Variants in GDAP1 observed in about 807,000 individuals in gnomAD.
GDAP1 encodes ganglioside-induced differentiation-associated protein 1.
A neutral mutation model predicts 40.1 loss-of-function variants in GDAP1; 34 were observed. That is an observed-to-expected ratio of 0.85 (90% confidence interval 0.64 to 1.13). The LOEUF (loss-of-function observed/expected upper bound fraction) is 1.13. Ranked by LOEUF, GDAP1 falls within the 50% of genes most tolerant of loss-of-function variation. The pLI, the probability that GDAP1 is intolerant of heterozygous loss-of-function variation, is 0.00. For synonymous variants in GDAP1, 170 were observed against 157.4 expected, an observed-to-expected ratio of 1.08 and a Z score of -0.60; for missense variants, 374 against 433.7, an observed-to-expected ratio of 0.86 and a Z score of 1.22.
At chr8:74,471,456 T>A (rs34598685) in intron 2 of GDAP1, among the ~76,000 whole-genome samples, 88,195 of 146,552 alleles carry the variant, frequency 0.6, 26,510 homozygotes, top group African/African-American at 0.74. Context: ...CTTTTTTTTT[T>A]AAAAAAAATA....
chr8:74,448,799 GT>G (rs1806263064), intron 2 of GDAP1, among the ~76,000 whole-genome samples: 1 of 151,954 alleles, frequency 6.6e-6, no homozygotes, highest in South Asian at 2.1e-4. Context: ...GATTGTAGGA[GT>G]TTTTTGGTCA....
chr8:74,376,288 C>A (rs143262039), intron 2 of GDAP1, among the ~76,000 whole-genome samples: 2 of 151,120 alleles, frequency 1.3e-5, no homozygotes, highest in Non-Finnish European at 2.9e-5. Context: ...TGTGAAAATG[C>A]GAAGGACATA....
At chr8:74,355,530 A>G (rs1486058326) in intron 2 of GDAP1, among the ~76,000 whole-genome samples, 2 of 152,210 alleles carry the variant, frequency 1.3e-5, no homozygotes, top group Non-Finnish European at 2.9e-5. Context: ...TACAGCAAGC[A>G]ATTGATTAAG....
chr8:74,398,071 C>T (rs1175028771), intron 2 of GDAP1, among the ~76,000 whole-genome samples: 3 of 151,516 alleles, frequency 2.0e-5, no homozygotes, highest in Admixed American at 6.6e-5. Context: ...AGGTCCTTCA[C>T]GTCCCTTGTA....
chr8:74,463,050 A>T (rs1326053865), intron 2 of GDAP1, among the ~76,000 whole-genome samples: 1 of 128,378 alleles, frequency 7.8e-6, no homozygotes, highest in Non-Finnish European at 1.6e-5. Context: ...ATTGCAAGTG[A>T]TATGTAATTA....
At chr8:74,483,899 A>G (rs1806743970) in intron 2 of GDAP1, among the ~76,000 whole-genome samples, 1 of 152,188 alleles carries the variant, frequency 6.6e-6, no homozygotes, top group South Asian at 2.1e-4. Flanking sequence ...ATAGTTGGCC[A>G]AAGACTTCTT....
chr8:74,389,628 T>G (rs1810077852), intron 2 of GDAP1, among the ~76,000 whole-genome samples: 1 of 152,180 alleles, frequency 6.6e-6, no homozygotes, highest in Non-Finnish European at 1.5e-5. Context: ...CATTTCAACC[T>G]TGGTGAATCT....
Position 74,356,075 on chromosome 8 carries a change from A to T in GDAP1, c.311-4062A>T, listed in dbSNP as rs73689104. Among the ~76,000 whole-genome samples, 1,188 of 152,336 alleles carry T rather than the reference A, an allele frequency of 7.8e-3. 20 individuals are homozygous for T. Among genetic ancestry groups the T allele is most frequent in the African/African-American group, 0.027 (1,142 of 41,596 alleles). The stretch of plus-strand genomic sequence containing the variant: ...CCAATTAATATTTATATTTGTGTTC[A>T]TCAAGAAAAGGCTCTTGTATATAGT... On this transcript the variant is annotated intron_variant, in intron 2 of 5. Transcript: ENST00000220822.
At chr8:74,444,019 T>TATCTATCTATC (rs1222556124) in intron 2 of GDAP1, among the ~76,000 whole-genome samples, 18 of 112,052 alleles carry the variant, frequency 1.6e-4, no homozygotes, top group African/African-American at 5.3e-4. Context: ...TCTATCTATC[T>TATCTATCTATC]ATCTATCATC....
intron 2 of GDAP1, among the ~76,000 whole-genome samples, chr8:74,469,221 GT>G (rs904010236): frequency 5.3e-5 from 8 of 151,808 alleles, no homozygotes; most frequent in Middle Eastern, 3.4e-3. Context: ...TTGGTCTGTA[GT>G]TTTTTTTCCT....
At chr8:74,361,039 C>G (rs999928473) in intron 3 of GDAP1, among the ~76,000 whole-genome samples, 5 of 151,978 alleles carry the variant, frequency 3.3e-5, no homozygotes, top group African/African-American at 1.2e-4. Context: ...TTTGATACCC[C>G]TCCTTTTCCT....
chr8:74,417,437 T>C (rs1805797095), intron 2 of GDAP1, among the ~76,000 whole-genome samples: 1 of 149,354 alleles, frequency 6.7e-6, no homozygotes, highest in African/African-American at 2.6e-5. Context: ...AGAGAAAAAA[T>C]AAAAGTGTCC....
chr8:74,469,860 G>C (rs1806525016), intron 2 of GDAP1, among the ~76,000 whole-genome samples: 1 of 151,740 alleles, frequency 6.6e-6, no homozygotes, highest in Non-Finnish European at 1.5e-5. Flanking sequence ...TGTAATCCCA[G>C]CTACTCGGGA....
intron 2 of GDAP1, among the ~76,000 whole-genome samples, chr8:74,375,016 C>T (rs893808013): frequency 2.6e-5 from 4 of 152,028 alleles, no homozygotes; most frequent in African/African-American, 4.8e-5. Context: ...ACCCTGATAC[C>T]AGTATCTGAG....
At chr8:74,438,770 ATTG>A (rs1806124343) in intron 2 of GDAP1, among the ~76,000 whole-genome samples, 1 of 151,754 alleles carries the variant, frequency 6.6e-6, no homozygotes, top group African/African-American at 2.4e-5. Flanking sequence ...CTGGCTAATT[ATTG>A]TTATTTTTGT....
chr8:74,395,714 C>T (rs146256611), intron 2 of GDAP1, among the ~76,000 whole-genome samples: 55 of 152,246 alleles, frequency 3.6e-4, no homozygotes, highest in African/African-American at 1.2e-3. Flanking sequence ...TCAGTCAAAT[C>T]TAAATAAAGC....
chr8:74,468,440 C>G (rs1380959439), intron 2 of GDAP1, among the ~76,000 whole-genome samples: 2 of 149,996 alleles, frequency 1.3e-5, no homozygotes, highest in Non-Finnish European at 1.5e-5. Flanking sequence ...AAATTTCTTG[C>G]TACATTTATT....
chr8:74,433,976 A>G (rs186285426), intron 2 of GDAP1, among the ~76,000 whole-genome samples: 1 of 152,334 alleles, frequency 6.6e-6, no homozygotes, highest in Non-Finnish European at 1.5e-5. Flanking sequence ...GTAGTTCTGC[A>G]TTTGGAAACT....
At chr8:74,370,645 A>G (rs1018362483), downstream of GDAP1, among the ~76,000 whole-genome samples, 1 of 152,258 alleles carries the variant, frequency 6.6e-6, no homozygotes, top group African/African-American at 2.4e-5. Flanking sequence ...CAAAGCAATA[A>G]TTGCATGATA....
Sources: allele counts gnomAD v4.1 joint callset (sites outside exome capture counted in the v4.1 genomes callset), GRCh38; gene constraint gnomAD v4.1.1; transcripts MANE v1.5; gene names NCBI Gene and HGNC (gene_info 2026-07-23, HGNC 2026-07-21).